Variants in RTL4 observed in about 807,000 individuals in gnomAD.
RTL4 encodes retrotransposon Gag like 4.
A neutral mutation model predicts 5.3 loss-of-function variants in RTL4; 4 were observed. The ratio of observed to expected loss-of-function variants is 0.75; its 90% CI spans 0.37 to 1.72. RTL4 has a LOEUF of 1.72. Among genes scored for constraint, RTL4 ranks in the 40% most tolerant of loss-of-function variants. The probability of loss-of-function intolerance (pLI) is 0.04; values close to 1 mark genes in which losing one functional copy is unlikely to be tolerated. For synonymous variants in RTL4, 98 were observed against 87.3 expected (o/e 1.12, Z -0.68); for missense variants, 260 against 227.1 (o/e 1.14, Z -0.93).
the RTL4 span, among the ~76,000 whole-genome samples, chrX:112,147,169 A>G: frequency 9.2e-6 from 1 of 108,624 alleles, no homozygotes; most frequent in Non-Finnish European, 1.9e-5. Flanking sequence ...TTTTTTCAGC[A>G]ACGATACCCT....
chrX:112,304,978 C>G, the RTL4 span, among the ~76,000 whole-genome samples: 1 of 110,054 alleles, frequency 9.1e-6, no homozygotes. Context: ...ATAGCAAAGG[C>G]TGTCAAAAAC....
At chrX:112,194,253 C>T in the RTL4 span, among the ~76,000 whole-genome samples, 59 of 111,724 alleles carry the variant, frequency 5.3e-4, no homozygotes, top group African/African-American at 1.8e-3. Flanking sequence ...TTTGTGTTCC[C>T]TCAAAATTCA....
At chrX:112,182,480 G>C in the RTL4 span, among the ~76,000 whole-genome samples, 1 of 112,075 alleles carries the variant, frequency 8.9e-6, no homozygotes, top group Non-Finnish European at 1.9e-5. Flanking sequence ...CCAGTTTAGA[G>C]AAGAGCATAA....
At chrX:112,348,973 T>C in the RTL4 span, among the ~76,000 whole-genome samples, 1 of 110,520 alleles carries the variant, frequency 9.0e-6, no homozygotes, top group African/African-American at 3.3e-5. Context: ...ACTTCTGTAA[T>C]TCTCACAACA....
the RTL4 span, among the ~76,000 whole-genome samples, chrX:112,152,083 C>T: frequency 7.2e-5 from 8 of 111,639 alleles, no homozygotes; most frequent in African/African-American, 2.6e-4. Flanking sequence ...GGGATACTTT[C>T]TTCTGTAGTT....
At chrX:112,455,513 G>A (rs1336302045) in exon 1 of RTL4, 1 of 1,211,282 alleles carries the variant, frequency 8.3e-7, no homozygotes, top group Admixed American at 2.2e-5. Context: ...CTGCGAGAAG[G>A]CCAGCTGCCT....
the RTL4 span, among the ~76,000 whole-genome samples, chrX:112,092,064 G>T: frequency 1.2e-3 from 135 of 111,096 alleles, no homozygotes; most frequent in Middle Eastern, 9.3e-3. Flanking sequence ...TTAGCTATTT[G>T]CATGCAATAT....
At chrX:112,098,351 G>A in the RTL4 span, among the ~76,000 whole-genome samples, 2 of 111,032 alleles carry the variant, frequency 1.8e-5, no homozygotes, top group Non-Finnish European at 3.8e-5. Context: ...TCTTAATCTA[G>A]TCTATCATTG....
the RTL4 span, among the ~76,000 whole-genome samples, chrX:112,379,952 T>C: frequency 9.0e-6 from 1 of 111,216 alleles, no homozygotes; most frequent in Non-Finnish European, 1.9e-5. Context: ...TTCAATCACC[T>C]GAAAAAATTT....
At chrX:112,387,357 C>CTTTTTTTTTTTTTT in the RTL4 span, among the ~76,000 whole-genome samples, 1 of 94,664 alleles carries the variant, frequency 1.1e-5, no homozygotes, top group Admixed American at 1.2e-4. Context: ...ACCTATTTAT[C>CTTTTTTTTTTTTTT]TTTTTTTTTT....
the RTL4 span, among the ~76,000 whole-genome samples, chrX:112,204,643 G>A: frequency 1.8e-5 from 2 of 111,623 alleles, no homozygotes; most frequent in Non-Finnish European, 3.8e-5. Context: ...TGGACATAGA[G>A]AGTAGAAGGA....
At chrX:112,260,895 A>C in the RTL4 span, among the ~76,000 whole-genome samples, 1 of 111,980 alleles carries the variant, frequency 8.9e-6, no homozygotes, top group Non-Finnish European at 1.9e-5. Context: ...GCTTTGATTC[A>C]TAGGCAGGCT....
chrX:112,149,970 G>A, the RTL4 span, among the ~76,000 whole-genome samples: 3 of 111,422 alleles, frequency 2.7e-5, no homozygotes, highest in African/African-American at 9.8e-5. Flanking sequence ...AAGTAAGAGA[G>A]CCAGCTTTGG....
At chrX:112,092,970 T>A in the RTL4 span, among the ~76,000 whole-genome samples, 1 of 111,177 alleles carries the variant, frequency 9.0e-6, no homozygotes, top group African/African-American at 3.3e-5. Context: ...CATTTCACTT[T>A]AGTAAGTGAA....
At chrX:112,200,093 A>G in the RTL4 span, among the ~76,000 whole-genome samples, 1 of 112,286 alleles carries the variant, frequency 8.9e-6, no homozygotes, top group Non-Finnish European at 1.9e-5. Context: ...GAGGAAACTC[A>G]AACCTAGAGG....
the RTL4 span, among the ~76,000 whole-genome samples, chrX:112,330,615 A>C: frequency 6.3e-5 from 7 of 110,982 alleles, no homozygotes; most frequent in South Asian, 3.8e-4. Flanking sequence ...CCATCCCCAT[A>C]AAGCTACCAA....
chrX:112,388,527 A>G, the RTL4 span, among the ~76,000 whole-genome samples: 1 of 112,299 alleles, frequency 8.9e-6, no homozygotes, highest in Non-Finnish European at 1.9e-5. Context: ...TTACCCATTC[A>G]GTATGATGTT....
At chrX:112,351,415 G>C in the RTL4 span, among the ~76,000 whole-genome samples, 52 of 109,230 alleles carry the variant, frequency 4.8e-4, no homozygotes, top group Non-Finnish European at 8.3e-4. Context: ...CAATTCCTGG[G>C]TATCCTTGTT....
At chrX:112,229,033 C>T in the RTL4 span, among the ~76,000 whole-genome samples, 1 of 111,829 alleles carries the variant, frequency 8.9e-6, no homozygotes, top group Non-Finnish European at 1.9e-5. Context: ...AAAAGGTGTC[C>T]CCTCTAGGGA....
Sources: gnomAD v4.1 joint callset for allele counts (sites outside exome capture counted in the v4.1 genomes callset) on GRCh38, gnomAD v4.1.1 for gene constraint, MANE v1.5 for transcripts, NCBI Gene and HGNC (gene_info 2026-07-23, HGNC 2026-07-21) for gene names.